XPR1: variants seen among roughly 807,000 people sequenced by gnomAD.
XPR1 encodes the protein xenotropic and polytropic retrovirus receptor 1.
In XPR1, 28 loss-of-function variants were observed where a neutral mutation model predicts 87.5. That is an observed-to-expected ratio of 0.32 (90% confidence interval 0.24 to 0.44). The LOEUF is 0.44. Among genes scored for constraint, XPR1 ranks in the 20% least tolerant of loss-of-function variants. The probability of loss-of-function intolerance (pLI) is 1.00; values close to 1 mark genes in which losing one functional copy is unlikely to be tolerated. For missense variants in XPR1, 559 were observed against 862.3 expected (o/e 0.65, Z 4.41); for synonymous variants, 300 against 306.1 (o/e 0.98, Z 0.21).
At chr1:180,857,797 A>G (rs1379941574) in intron 11 of XPR1, among the ~76,000 whole-genome samples, 2 of 152,176 alleles carry the variant, frequency 1.3e-5, no homozygotes, top group East Asian at 1.9e-4. Flanking sequence ...AAGCAAGCAG[A>G]TGTTTTTTTG....
At chr1:180,771,706 T>C (rs1191822316) in intron 2 of XPR1, among the ~76,000 whole-genome samples, 2 of 152,230 alleles carry the variant, frequency 1.3e-5, no homozygotes, top group Non-Finnish European at 2.9e-5. Flanking sequence ...TTCTGCCTGA[T>C]GTTTTCTCAT....
chr1:180,829,585 A>G (rs1166649446), intron 9 of XPR1, among the ~76,000 whole-genome samples: 2 of 152,186 alleles, frequency 1.3e-5, no homozygotes, highest in Admixed American at 6.5e-5. Flanking sequence ...GTGTATCTCT[A>G]TAATATGGTG....
chr1:180,688,961 C>T (rs1656882374), intron 2 of XPR1, among the ~76,000 whole-genome samples: 1 of 151,908 alleles, frequency 6.6e-6, no homozygotes, highest in Non-Finnish European at 1.5e-5. Context: ...TTAGTTTTTA[C>T]TCTGAATTAA....
intron 2 of XPR1, among the ~76,000 whole-genome samples, chr1:180,724,636 G>A (rs1267669976): frequency 6.6e-6 from 1 of 152,036 alleles, no homozygotes; most frequent in African/African-American, 2.4e-5. Context: ...TCATTTTAAG[G>A]AGTTAAATAT....
At chr1:180,783,731 G>C (rs1649031383) in intron 2 of XPR1, among the ~76,000 whole-genome samples, 1 of 151,656 alleles carries the variant, frequency 6.6e-6, no homozygotes, top group Non-Finnish European at 1.5e-5. Context: ...TCCCCTTTTG[G>C]ACATCAGTTT....
At chr1:180,767,257 C>T (rs1003928952) in intron 2 of XPR1, among the ~76,000 whole-genome samples, 3 of 152,134 alleles carry the variant, frequency 2.0e-5, no homozygotes, top group African/African-American at 7.2e-5. Flanking sequence ...TGAGTAAAAG[C>T]TCCCACTCAC....
At chr1:180,710,815 T>C (rs1168607956) in intron 2 of XPR1, among the ~76,000 whole-genome samples, 1 of 145,860 alleles carries the variant, frequency 6.9e-6, no homozygotes, top group Non-Finnish European at 1.5e-5. Context: ...ATGGGGCGGC[T>C]GGCTGGGCGG....
At chr1:180,718,771 C>T (rs1200071870) in intron 2 of XPR1, among the ~76,000 whole-genome samples, 3 of 151,304 alleles carry the variant, frequency 2.0e-5, no homozygotes, top group East Asian at 1.9e-4. Flanking sequence ...GGGGTTCAAG[C>T]GATTCTCCTG....
chr1:180,639,482 C>T (rs12081201), intron 1 of XPR1, among the ~76,000 whole-genome samples: 6,503 of 152,090 alleles, frequency 0.043, 497 homozygotes, highest in African/African-American at 0.15. Context: ...GGACCAGAAA[C>T]CAGATATAAA....
At chr1:180,714,172 T>A (rs1000616491) in intron 2 of XPR1, among the ~76,000 whole-genome samples, 4 of 152,198 alleles carry the variant, frequency 2.6e-5, no homozygotes, top group Admixed American at 2.6e-4. Context: ...TACATAGTGA[T>A]AGAAGCTATA....
At chr1:180,850,986 A>G (rs527727098) in intron 11 of XPR1, among the ~76,000 whole-genome samples, 1 of 151,248 alleles carries the variant, frequency 6.6e-6, no homozygotes, top group Non-Finnish European at 1.5e-5. Flanking sequence ...AAAGGATTAT[A>G]GTATCCTTAT....
At chr1:180,706,253 G>T (rs891840400) in intron 2 of XPR1, among the ~76,000 whole-genome samples, 1 of 152,176 alleles carries the variant, frequency 6.6e-6, no homozygotes, top group South Asian at 2.1e-4. Flanking sequence ...TGATTCAGAA[G>T]TATCCATAAA....
chr1:180,832,158 A>C (rs1015047111), intron 9 of XPR1, among the ~76,000 whole-genome samples: 1 of 152,200 alleles, frequency 6.6e-6, no homozygotes, highest in African/African-American at 2.4e-5. Flanking sequence ...AATGATGAGC[A>C]TTCTTTCATA....
rs181921126 is a variant in XPR1 at position 180,837,802 on chromosome 1, C to T, written c.1501+1086C>T. 4.6e-5 allele frequency among the ~76,000 whole-genome samples: 7 copies of T among 152,168 alleles called. No individual in the cohort carries two copies. The East Asian group carries it at 1.2e-3, about 25-fold the overall frequency. On this transcript the variant is annotated intron_variant, in intron 11 of 14. Coordinates refer to ENST00000367590, the MANE Select transcript of XPR1 (RefSeq NM_004736.4). ...TACTGTGGAATGCTGTTGTTAAGTC[C>T]AGGCATATATCATAATTCAGGAGGT...
intron 2 of XPR1, among the ~76,000 whole-genome samples, chr1:180,780,401 A>G (rs544260550): frequency 2.1e-3 from 315 of 152,276 alleles, no homozygotes; most frequent in Non-Finnish European, 3.4e-3. Context: ...CATTTCACTA[A>G]TGACTGATGT....
chr1:180,684,798 T>C (rs1354261652), intron 2 of XPR1, among the ~76,000 whole-genome samples: 2 of 152,220 alleles, frequency 1.3e-5, no homozygotes, highest in Admixed American at 6.5e-5. Flanking sequence ...TTGTCTGTTA[T>C]TGGTGTATAA....
At chr1:180,729,357 C>G (rs973000022) in intron 2 of XPR1, among the ~76,000 whole-genome samples, 3 of 152,102 alleles carry the variant, frequency 2.0e-5, no homozygotes, top group Admixed American at 2.0e-4. Flanking sequence ...GGTGTATACT[C>G]AATAGTGAGA....
At chr1:180,878,148 C>G (rs1180637541) in intron 13 of XPR1, 1 of 152,300 alleles carries the variant, frequency 6.6e-6, no homozygotes, top group Non-Finnish European at 1.5e-5. Context: ...CCACTTCTTT[C>G]TCTTTCATGT....
At chr1:180,725,480 C>T (rs1658307517) in intron 2 of XPR1, among the ~76,000 whole-genome samples, 1 of 152,196 alleles carries the variant, frequency 6.6e-6, no homozygotes, top group South Asian at 2.1e-4. Flanking sequence ...ATCCATTAAT[C>T]TTTTATGACT....
Sources: gnomAD v4.1 joint callset for allele counts (sites outside exome capture counted in the v4.1 genomes callset) on GRCh38, gnomAD v4.1.1 for gene constraint, MANE v1.5 for transcripts, NCBI Gene and HGNC (gene_info 2026-07-23, HGNC 2026-07-21) for gene names.